The following YTHDF3 variants were observed in gnomAD, a reference collection of about 807,000 sequenced individuals.
YTHDF3 encodes the protein YTH N6-methyladenosine RNA binding protein F3, also known as YTH domain-containing family protein 3.
A neutral mutation model predicts 52.5 loss-of-function variants in YTHDF3; 9 were observed. The ratio of observed to expected loss-of-function variants is 0.17; its 90% confidence interval spans 0.10 to 0.30. YTHDF3 has a LOEUF of 0.30. Among genes scored for constraint, YTHDF3 ranks in the 10% least tolerant of loss-of-function variants. YTHDF3 has a pLI of 1.00. For synonymous variants in YTHDF3, 274 were observed against 243.3 expected (o/e 1.13, Z -1.18); for missense variants, 534 against 715.0 (o/e 0.75, Z 2.89).
chr8:63,187,184 G>A lies in YTHDF3; in HGVS notation c.1173G>A (p.Val391=). 1 of 1,613,986 alleles carries A rather than the reference G, an allele frequency of 6.2e-7. No homozygotes were observed. The highest frequency in any genetic ancestry group is 1.1e-5 in the South Asian group (1 of 91,082). Residue 391 remains valine (V), a synonymous_variant, in exon 4 of 5, where the codon GTG becomes GTA. Coordinates refer to ENST00000539294, the MANE Select transcript of YTHDF3 (RefSeq NM_152758.6). The part of the protein sequence containing the change: ...PVSASPSSVE[V]HPVLEKLKAI... ...GTGCTTCACCTTCTAGTGTAGAAGT[G>A]CATCCCGTGCTGGAAAAGCTAAAGG...
At chr8:63,172,789 G>A in intron 2 of YTHDF3, 5 of 1,231,494 alleles carry the variant, frequency 4.1e-6, no homozygotes, top group East Asian at 6.3e-5. Flanking sequence ...GGAAACAGGC[G>A]AAGAATCATG....
intron 4 of YTHDF3, among the ~76,000 whole-genome samples, chr8:63,190,778 T>C (rs1023447265): frequency 1.3e-5 from 2 of 152,218 alleles, no homozygotes; most frequent in Non-Finnish European, 2.9e-5. Context: ...TGTGCTTGAA[T>C]GTCAGAGCCT....
At chr8:63,195,311 A>G (rs1809164481) in intron 4 of YTHDF3, among the ~76,000 whole-genome samples, 1 of 152,240 alleles carries the variant, frequency 6.6e-6, no homozygotes, top group Non-Finnish European at 1.5e-5. Context: ...TGTGGAAGAT[A>G]ACTAAAAATA....
chr8:63,183,714 A>C (rs1271694018), intron 3 of YTHDF3, among the ~76,000 whole-genome samples: 3 of 152,170 alleles, frequency 2.0e-5, no homozygotes, highest in South Asian at 2.1e-4. Flanking sequence ...TCAGTTAGTA[A>C]ATAGTAACTC....
chr8:63,169,278 C>A (rs1239707478), intron 1 of YTHDF3, 109 bp from the exon 2 acceptor site: 19 of 1,438,834 alleles, frequency 1.3e-5, no homozygotes, highest in Non-Finnish European at 9.5e-7. Flanking sequence ...GTTTTTACTC[C>A]TACGCGGATA....
chr8:63,173,243 C>T (rs75187748), intron 2 of YTHDF3, among the ~76,000 whole-genome samples: 15,482 of 115,412 alleles, frequency 0.13, 1,217 homozygotes, highest in East Asian at 0.45. Flanking sequence ...GTACTTTTTC[C>T]TTTTTTTTTT....
chr8:63,191,474 T>A (rs948726695), intron 4 of YTHDF3, among the ~76,000 whole-genome samples: 21 of 152,188 alleles, frequency 1.4e-4, no homozygotes, highest in African/African-American at 4.8e-4. Context: ...CCCTCTTAAC[T>A]CTGTTTTCTT....
intron 3 of YTHDF3, 114 bp from the exon 4 acceptor site, chr8:63,186,033 G>A (rs1330821910): frequency 2.1e-5 from 24 of 1,135,448 alleles, no homozygotes; most frequent in Non-Finnish European, 2.8e-5. Flanking sequence ...ATCTAGAATA[G>A]GTACATCTTT....
chr8:63,198,116 C>G (rs746838367), intron 4 of YTHDF3, among the ~76,000 whole-genome samples: 3 of 152,176 alleles, frequency 2.0e-5, no homozygotes, highest in Non-Finnish European at 2.9e-5. Context: ...GCCGTTTATG[C>G]AGAAATAAGC....
intron 4 of YTHDF3, chr8:63,188,744 C>T (rs1484077594): frequency 9.2e-6 from 1 of 109,226 alleles, no homozygotes; most frequent in Non-Finnish European, 1.7e-5. Context: ...GATGGAGTCG[C>T]TCTCTGTCGC....
intron 1 of YTHDF3, 158 bp downstream of exon 1, chr8:63,169,059 G>C (rs1312068260): frequency 7.1e-6 from 10 of 1,405,478 alleles, no homozygotes; most frequent in Non-Finnish European, 9.2e-6. Flanking sequence ...CGGGGCGTGC[G>C]CCCTGGCCCC....
chr8:63,184,836 G>T (rs574493053), intron 3 of YTHDF3, among the ~76,000 whole-genome samples: 6 of 152,308 alleles, frequency 3.9e-5, no homozygotes, highest in Middle Eastern at 3.4e-3. Context: ...AAATTGTGAA[G>T]CTCTGTGCGG....
chr8:63,179,546 G>T (rs1051157840), intron 3 of YTHDF3, among the ~76,000 whole-genome samples: 1 of 152,164 alleles, frequency 6.6e-6, no homozygotes, highest in Non-Finnish European at 1.5e-5. Flanking sequence ...TAAGGTCACA[G>T]ATCAACAGGA....
chr8:63,182,234 A>ATT lies in YTHDF3; in HGVS notation c.136-3889_136-3888dup, dbSNP rs11348989. On this transcript the variant is annotated intron_variant, in intron 3 of 4. Transcript: ENST00000539294. Reference sequence around the variant, plus strand: ...AGGCGTGCACCACCATGCCTGGCTAATTTTTTTTTTTTTTTTTTTTTTTTT... The same window carrying ATT: ...AGGCGTGCACCACCATGCCTGGCTAATTTTTTTTTTTTTTTTTTTTTTTTTTT... Among the ~76,000 whole-genome samples, 162 of 111,688 alleles carry ATT rather than the reference A, an allele frequency of 1.5e-3. 1 individual carries two copies. The East Asian group carries it at 0.038, about 26-fold the overall frequency. 73.3% of individuals were successfully genotyped at this position (111,688 alleles called of 152,430 possible).
chr8:63,183,621 C>A (rs1222124487), intron 3 of YTHDF3, among the ~76,000 whole-genome samples: 2 of 152,122 alleles, frequency 1.3e-5, no homozygotes, highest in South Asian at 2.1e-4. Flanking sequence ...GCTGTTGATT[C>A]CTTTCATGTG....
intron 4 of YTHDF3, chr8:63,188,704 T>A (rs1212223457): frequency 0.014 from 1,343 of 95,868 alleles, 3 homozygotes; most frequent in African/African-American, 0.036. Flanking sequence ...TATATATATT[T>A]TTTTTTTTTT....
chr8:63,195,759 TGTGTGA>T (rs1809194764), intron 4 of YTHDF3, among the ~76,000 whole-genome samples: 1 of 151,258 alleles, frequency 6.6e-6, no homozygotes, highest in African/African-American at 2.4e-5. Context: ...TGTGTGTGTG[TGTGTGA>T]CCCTGGGCAA....
intron 4 of YTHDF3, among the ~76,000 whole-genome samples, chr8:63,201,662 G>A (rs1415818997): frequency 6.6e-6 from 1 of 152,118 alleles, no homozygotes; most frequent in East Asian, 1.9e-4. Flanking sequence ...ATTCAACTCT[G>A]GTATTGGCTG....
At chr8:63,205,791 G>T (rs1809990694) in intron 4 of YTHDF3, among the ~76,000 whole-genome samples, 1 of 152,126 alleles carries the variant, frequency 6.6e-6, no homozygotes, top group African/African-American at 2.4e-5. Context: ...TATGCCCATA[G>T]ATATTGTGTT....
Sources: gnomAD v4.1 joint callset for allele counts (sites outside exome capture counted in the v4.1 genomes callset) on GRCh38, gnomAD v4.1.1 for gene constraint, MANE v1.5 for transcripts, NCBI Gene and HGNC (gene_info 2026-07-23, HGNC 2026-07-21) for gene names.